Variants in SH3BGRL2 observed in about 807,000 individuals in gnomAD.
The protein encoded by SH3BGRL2 is SH3 domain-binding glutamic acid-rich-like protein 2.
Under a neutral mutation model 14.8 loss-of-function variants are expected in SH3BGRL2, and 21 were observed. The observed-to-expected ratio is 1.42, with a 90% confidence interval of 1.01 to 2.05. SH3BGRL2 has a LOEUF of 2.05. SH3BGRL2 is among the 30% of genes most tolerant of loss of function. The probability of loss-of-function intolerance (pLI) is 0.00; values close to 1 mark genes in which losing one functional copy is unlikely to be tolerated. For missense variants in SH3BGRL2, 147 were observed against 130.8 expected (o/e 1.12, Z -0.61); for synonymous variants, 50 against 47.8 (o/e 1.05, Z -0.19).
intron 1 of SH3BGRL2, among the ~76,000 whole-genome samples, chr6:79,635,383 G>A (rs1768902952): frequency 6.6e-6 from 1 of 152,216 alleles, no homozygotes; most frequent in Non-Finnish European, 1.5e-5. Context: ...GATTTCATAG[G>A]AAGCCAGATT....
intron 1 of SH3BGRL2, among the ~76,000 whole-genome samples, chr6:79,649,814 C>G (rs555597182): frequency 2.6e-5 from 4 of 152,260 alleles, no homozygotes; most frequent in Admixed American, 1.3e-4. Context: ...AGACTTTGCA[C>G]TGCATCAAAT....
At position 79,696,502 on chromosome 6, in the gene SH3BGRL2, T is replaced by A; in HGVS notation, c.249T>A (p.Phe83Leu). ...DRYCGDYDSF[F>L]ESKESNTVFS... ...TTTTCTAGGATTATGACAGTTTTTT[T>A]GAATCCAAGGAAAGCAACACAGTCT... Residue 83 changes from phenylalanine (F) to leucine (L), a missense_variant, in exon 3 of 4, where the codon TTT becomes TTA. Coordinates refer to ENST00000369838, the MANE Select transcript of SH3BGRL2 (RefSeq NM_031469.4). 2 of 1,585,844 alleles carry A rather than the reference T, an allele frequency of 1.3e-6. No individual in the cohort carries two copies. The highest frequency in any genetic ancestry group is 1.7e-6 in the Non-Finnish European group (2 of 1,172,730).
the SH3BGRL2 span, among the ~76,000 whole-genome samples, chr6:79,606,177 G>C: frequency 6.6e-6 from 1 of 152,052 alleles, no homozygotes; most frequent in Non-Finnish European, 1.5e-5. Context: ...GTTGATCTCT[G>C]GTGGGAATTG....
chr6:79,589,542 A>T, the SH3BGRL2 span, among the ~76,000 whole-genome samples: 1 of 151,982 alleles, frequency 6.6e-6, no homozygotes, highest in African/African-American at 2.4e-5. Context: ...TTAAAGAAAA[A>T]CTTGTTTATT....
the SH3BGRL2 span, among the ~76,000 whole-genome samples, chr6:79,562,984 C>T: frequency 2.1e-3 from 313 of 152,286 alleles, no homozygotes; most frequent in Non-Finnish European, 2.3e-3. Context: ...GAGACAGAGT[C>T]TCGCTCTGTC....
At chr6:79,592,911 T>A in the SH3BGRL2 span, among the ~76,000 whole-genome samples, 5,315 of 152,270 alleles carry the variant, frequency 0.035, 138 homozygotes, top group Non-Finnish European at 0.054. Flanking sequence ...ATTCAGGCTG[T>A]CTAGGTCTAG....
At chr6:79,673,868 G>A in intron 2 of SH3BGRL2, 69 bp downstream of exon 2, 1 of 1,521,324 alleles carries the variant, frequency 6.6e-7, no homozygotes, top group Non-Finnish European at 8.9e-7. Context: ...TAGAGTGCAG[G>A]TGGGTTTTTC....
chr6:79,618,075 CTTTA>C, the SH3BGRL2 span, among the ~76,000 whole-genome samples: 2 of 152,072 alleles, frequency 1.3e-5, no homozygotes, highest in African/African-American at 4.8e-5. Context: ...ATAATTTCTT[CTTTA>C]TTTATTTGCA....
At position 79,699,965 on chromosome 6, in the gene SH3BGRL2, G is replaced by A. The variant is rs924986445; in HGVS notation, c.*456G>A. Reference sequence around the variant, plus strand: ...AATCAGAAGGAAAAAAAGCAGCGCTGGTTGACAAAGGGTGTTGAAGATTTT... The same window carrying A: ...AATCAGAAGGAAAAAAAGCAGCGCTAGTTGACAAAGGGTGTTGAAGATTTT... On this transcript the variant is annotated 3_prime_UTR_variant, in exon 4 of 4. Coordinates refer to ENST00000369838, the MANE Select transcript of SH3BGRL2 (RefSeq NM_031469.4). 1.3e-5 allele frequency: 2 copies of A among 159,924 alleles called. No homozygotes were observed. Among genetic ancestry groups the A allele is most frequent in the Admixed American group, 6.5e-5 (1 of 15,480 alleles). 9.9% of individuals were successfully genotyped at this position (159,924 alleles called of 1,614,324 possible).
At chr6:79,597,591 A>G in the SH3BGRL2 span, among the ~76,000 whole-genome samples, 14,151 of 152,262 alleles carry the variant, frequency 0.093, 809 homozygotes, top group Non-Finnish European at 0.13. Flanking sequence ...AGTTGGACTC[A>G]TACCTAACAC....
chr6:79,605,802 C>G, the SH3BGRL2 span, among the ~76,000 whole-genome samples: 2 of 152,060 alleles, frequency 1.3e-5, no homozygotes, highest in Non-Finnish European at 2.9e-5. Context: ...AGAAATTATC[C>G]CTGCTGAGTA....
Position 79,635,137 on chromosome 6 carries a change from G to C in SH3BGRL2, c.45+3631G>C, listed in dbSNP as rs1015015010. Among the ~76,000 whole-genome samples, 3 of 152,176 alleles carry C rather than the reference G, an allele frequency of 2.0e-5. No individual in the cohort carries two copies. In the East Asian group the frequency reaches 5.8e-4, roughly 29 times the overall value. On this transcript the variant is annotated intron_variant, in intron 1 of 3. Transcript: ENST00000369838. ...GCTGCCTGGCAGTGGGGGAGCCCTA[G>C]TTGTGTGATTTCAGAAGAATCTTTA...
At chr6:79,540,350 G>T in the SH3BGRL2 span, among the ~76,000 whole-genome samples, 1 of 152,126 alleles carries the variant, frequency 6.6e-6, no homozygotes, top group East Asian at 1.9e-4. Flanking sequence ...CAGGAGAATG[G>T]CATGAACCCG....
At chr6:79,628,326 G>C (rs1459089477), upstream of SH3BGRL2, among the ~76,000 whole-genome samples, 1 of 149,854 alleles carries the variant, frequency 6.7e-6, no homozygotes, top group African/African-American at 2.5e-5. Context: ...CTACTAAAGG[G>C]TCCTTGGCAC....
At chr6:79,538,026 T>TTTG in the SH3BGRL2 span, among the ~76,000 whole-genome samples, 1 of 84,088 alleles carries the variant, frequency 1.2e-5, no homozygotes, top group African/African-American at 5.6e-5. Flanking sequence ...AAGTTTTTTT[T>TTTG]TTTTTTTTTT....
chr6:79,605,834 G>A, the SH3BGRL2 span, among the ~76,000 whole-genome samples: 4 of 152,122 alleles, frequency 2.6e-5, no homozygotes, highest in East Asian at 1.9e-4. Flanking sequence ...AAACACAAGC[G>A]ACTGAAGGCA....
chr6:79,688,303 G>A lies in SH3BGRL2; in HGVS notation c.232-8182G>A, dbSNP rs146099264. On this transcript the variant is annotated intron_variant, in intron 2 of 3. Transcript: ENST00000369838. Reference sequence around the variant, plus strand: ...TCCCTTAGTGAGTTCGAGTAGCTTGGTTATGCTATTATCTATACAGTTCAG... The same window carrying A: ...TCCCTTAGTGAGTTCGAGTAGCTTGATTATGCTATTATCTATACAGTTCAG... 6.8e-3 allele frequency among the ~76,000 whole-genome samples: 1,030 copies of A among 151,974 alleles called. 16 individuals are homozygous for A. The highest frequency in any genetic ancestry group is 0.023 in the African/African-American group (958 of 41,470).
the SH3BGRL2 span, among the ~76,000 whole-genome samples, chr6:79,542,404 G>C: frequency 6.6e-6 from 1 of 151,926 alleles, no homozygotes; most frequent in Middle Eastern, 3.4e-3. Flanking sequence ...TAGATAGTTG[G>C]GATTACAGGC....
the SH3BGRL2 span, among the ~76,000 whole-genome samples, chr6:79,593,368 G>A: frequency 6.6e-6 from 1 of 152,160 alleles, no homozygotes; most frequent in East Asian, 1.9e-4. Context: ...TGTCAGGGGT[G>A]AGGGACAAGG....
Sources: gnomAD v4.1 joint callset for allele counts (sites outside exome capture counted in the v4.1 genomes callset) on GRCh38, gnomAD v4.1.1 for gene constraint, MANE v1.5 for transcripts, NCBI Gene and HGNC (gene_info 2026-07-23, HGNC 2026-07-21) for gene names.